PTPRN2: variants seen among roughly 807,000 people sequenced by gnomAD.
The protein encoded by PTPRN2 is protein tyrosine phosphatase receptor type N2.
In PTPRN2, 74 loss-of-function variants were observed where a neutral mutation model predicts 118.8. The observed-to-expected ratio is 0.62, with a 90% confidence interval of 0.52 to 0.76. PTPRN2 has a LOEUF of 0.76. Among genes scored for constraint, PTPRN2 ranks in the 30% least tolerant of loss-of-function variants. The pLI, the probability that PTPRN2 is intolerant of heterozygous loss-of-function variation, is 0.00. For missense variants in PTPRN2, 1,481 were observed against 1,394.4 expected, an observed-to-expected ratio of 1.06 and a Z score of -0.99; for synonymous variants, 641 against 608.0, an observed-to-expected ratio of 1.05 and a Z score of -0.80.
At chr7:157,542,744 C>T (rs1798073137) in intron 22 of PTPRN2, among the ~76,000 whole-genome samples, 1 of 152,186 alleles carries the variant, frequency 6.6e-6, no homozygotes, top group Admixed American at 6.5e-5. Flanking sequence ...ATTGTTACCG[C>T]ACTGTTTAGC....
intron 14 of PTPRN2, among the ~76,000 whole-genome samples, chr7:157,624,801 C>T (rs1000294910): frequency 2.8e-4 from 43 of 152,246 alleles, no homozygotes; most frequent in African/African-American, 9.9e-4. Flanking sequence ...GTAATTTAAA[C>T]AGTATTTGTG....
Position 157,830,772 on chromosome 7 carries a change from C to T in PTPRN2, c.1788+67901G>A, listed in dbSNP as rs543085744. 3.2e-4 allele frequency among the ~76,000 whole-genome samples: 49 copies of T among 152,298 alleles called. No homozygotes were observed. In the South Asian group the frequency reaches 8.1e-3, roughly 25 times the overall value. ...GAAGTATTCTAGAACAAAGAAAATC[C>T]GAGATGTCACAACAAAACACAGCAT... On this transcript the variant is annotated intron_variant, in intron 12 of 22. Transcript: ENST00000389418.
At chr7:158,302,072 C>G (rs527431587) in intron 3 of PTPRN2, among the ~76,000 whole-genome samples, 1 of 152,308 alleles carries the variant, frequency 6.6e-6, no homozygotes, top group Non-Finnish European at 1.5e-5. Flanking sequence ...GGCAGTTAAA[C>G]TATGATGTGC....
At chr7:158,071,445 G>A (rs111219651) in intron 11 of PTPRN2, among the ~76,000 whole-genome samples, 35 of 58,598 alleles carry the variant, frequency 6.0e-4, no homozygotes, top group Non-Finnish European at 8.8e-4. Context: ...GGTGGTGGAG[G>A]TGCTCGTGGT....
intron 11 of PTPRN2, among the ~76,000 whole-genome samples, chr7:158,070,926 G>T (rs1431336115): frequency 3.0e-5 from 4 of 132,452 alleles, no homozygotes; most frequent in Non-Finnish European, 4.7e-5. Context: ...GGTGCTGGAG[G>T]TGCTCCTGGT....
At chr7:157,925,009 A>G (rs1201430286) in intron 11 of PTPRN2, among the ~76,000 whole-genome samples, 4 of 69,354 alleles carry the variant, frequency 5.8e-5, no homozygotes, top group East Asian at 7.3e-4. Flanking sequence ...ATTGAAATGT[A>G]GTCAGGATGC....
chr7:158,458,888 G>A lies in PTPRN2; in HGVS notation c.163+30847C>T, dbSNP rs986963576. 3.9e-5 allele frequency among the ~76,000 whole-genome samples: 6 copies of A among 152,164 alleles called. No homozygotes were observed. In the East Asian group the frequency reaches 9.6e-4, roughly 24 times the overall value. On this transcript the variant is annotated intron_variant, in intron 2 of 22. Coordinates refer to ENST00000389418, the MANE Select transcript of PTPRN2 (RefSeq NM_002847.5). Reference sequence around the variant, plus strand: ...GATCCCAGGGCCCCCTGAGGACTGCGTGATCTTCAGAGGTGCACCCTCCAC... The same window carrying A: ...GATCCCAGGGCCCCCTGAGGACTGCATGATCTTCAGAGGTGCACCCTCCAC...
chr7:158,138,368 C>T lies in PTPRN2; in HGVS notation c.1058G>A (p.Gly353Glu). 1 of 1,613,862 alleles carries T rather than the reference C, an allele frequency of 6.2e-7. No homozygotes were observed. Among genetic ancestry groups the T allele is most frequent in the Non-Finnish European group, 8.5e-7 (1 of 1,180,036 alleles). ...TCCAGACTCTCCCAGGGCCGCTCTC[C>T]CAGGGCTGCCTCGAGCTACTCCATG... ...VDHGVARGSPGRAALGESGEQ... is the reference protein window; with the variant it reads ...VDHGVARGSPERAALGESGEQ... The change falls in exon 7 of 23, where the codon GGG (glycine) becomes GAG (glutamate). Residue 353 changes from glycine to glutamate, a missense_variant. This residue lies in a region of PTPRN2 where 1,115 missense variants were observed against 994.2 expected (regional missense o/e 1.12). Coordinates refer to ENST00000389418, the MANE Select transcript of PTPRN2 (RefSeq NM_002847.5).
intron 17 of PTPRN2, among the ~76,000 whole-genome samples, chr7:157,581,325 G>C (rs76122828): frequency 1.3e-5 from 2 of 152,388 alleles, no homozygotes; most frequent in Non-Finnish European, 2.9e-5. Context: ...TTCTTCTCCA[G>C]TGCAGCGTCC....
intron 2 of PTPRN2, among the ~76,000 whole-genome samples, chr7:158,372,275 C>T (rs1810084982): frequency 6.6e-6 from 1 of 151,312 alleles, no homozygotes. Flanking sequence ...GAGCTGATCC[C>T]CCCAACGCTG....
intron 5 of PTPRN2, among the ~76,000 whole-genome samples, chr7:158,187,243 C>T (rs1370728590): frequency 1.3e-5 from 2 of 152,174 alleles, no homozygotes; most frequent in African/African-American, 2.4e-5. Flanking sequence ...TCTGTTATGA[C>T]GTCACCAGCA....
At chr7:158,371,339 A>G (rs1164931055) in intron 2 of PTPRN2, among the ~76,000 whole-genome samples, 3 of 143,806 alleles carry the variant, frequency 2.1e-5, no homozygotes, top group Non-Finnish European at 3.0e-5. Context: ...AAGGAAAGCA[A>G]AAAAAAAAAA....
chr7:158,483,317 G>T (rs1175159255), intron 2 of PTPRN2, among the ~76,000 whole-genome samples: 1 of 152,132 alleles, frequency 6.6e-6, no homozygotes. Flanking sequence ...GGGCTATGGG[G>T]GTGTCTCTTG....
At chr7:158,042,268 G>A (rs999544109) in intron 11 of PTPRN2, among the ~76,000 whole-genome samples, 1 of 152,176 alleles carries the variant, frequency 6.6e-6, no homozygotes, top group African/African-American at 2.4e-5. Context: ...GAGACCAGGA[G>A]CTCATCCGAC....
intron 13 of PTPRN2, among the ~76,000 whole-genome samples, chr7:157,681,519 A>G (rs35611405): frequency 0.16 from 23,898 of 152,254 alleles, 2,367 homozygotes; most frequent in Non-Finnish European, 0.22. Context: ...GACCCTCTCC[A>G]GAAAACTGGA....
intron 3 of PTPRN2, among the ~76,000 whole-genome samples, chr7:158,270,791 A>T (rs1487201686): frequency 1.1e-4 from 2 of 18,014 alleles, no homozygotes; most frequent in African/African-American, 6.5e-4. Context: ...CCACCCCTCC[A>T]CCTGGACCAC....
In PTPRN2 at chr7:158,509,088, G is replaced by A. The variant is rs528455374; in HGVS notation, c.113-19303C>T. Among the ~76,000 whole-genome samples the A allele has an allele frequency of 3.4e-4, 51 of 152,166 alleles. No homozygotes were observed. The highest frequency in any genetic ancestry group is 1.2e-3 in the African/African-American group (51 of 41,518). Reference sequence around the variant, plus strand: ...CTAAAGATAAGAAGGGGAGGAAGAAGATGGGGACTGGGAGGGGAGAGGGAG... The same window carrying A: ...CTAAAGATAAGAAGGGGAGGAAGAAAATGGGGACTGGGAGGGGAGAGGGAG... On this transcript the variant is annotated intron_variant, in intron 1 of 22. Transcript: ENST00000389418. This position sits in a 1 kb window ranked among gnomAD's most constrained non-coding sequence, Gnocchi z 4.4.
chr7:158,152,257 T>A (rs1821270772), intron 6 of PTPRN2, among the ~76,000 whole-genome samples: 1 of 150,156 alleles, frequency 6.7e-6, no homozygotes, highest in Non-Finnish European at 1.5e-5. Context: ...GTATGAAGGA[T>A]CGGGGGCTGG....
In PTPRN2 at chr7:157,683,031, T is replaced by A. The variant is rs1424543509; in HGVS notation, c.1789-94A>T. 2.6e-6 allele frequency: 3 copies of A among 1,138,250 alleles called. No homozygotes were observed. The African/African-American group carries it at 4.6e-5, about 18-fold the overall frequency. 70.5% of individuals were successfully genotyped at this position (1,138,250 alleles called of 1,614,324 possible). ...CAAATGCAACTTGAAAGTGGAAAGCTCAGCCCCACAGGACGCTGTGCTGGC... is the reference window on the plus strand; with the variant it reads ...CAAATGCAACTTGAAAGTGGAAAGCACAGCCCCACAGGACGCTGTGCTGGC... On this transcript the variant is annotated intron_variant, in intron 12 of 22. Coordinates refer to ENST00000389418, the MANE Select transcript of PTPRN2 (RefSeq NM_002847.5).
Sources: allele counts gnomAD v4.1 joint callset (sites outside exome capture counted in the v4.1 genomes callset), GRCh38; gene constraint gnomAD v4.1.1; regional missense constraint gnomAD v4.1.1; non-coding constraint Gnocchi (gnomAD v3.1); transcripts MANE v1.5; gene names NCBI Gene and HGNC (gene_info 2026-07-23, HGNC 2026-07-21).